The following FAT3 variants were observed in gnomAD, a reference collection of about 807,000 sequenced individuals.
FAT3 encodes protocadherin Fat 3.
In FAT3, 95 loss-of-function variants were observed where a neutral mutation model predicts 310.2. The observed-to-expected ratio is 0.31, with a 90% confidence interval of 0.26 to 0.36. The LOEUF (loss-of-function observed/expected upper bound fraction) is 0.36, where lower values mean the gene tolerates loss of function less well. Among genes scored for constraint, FAT3 ranks in the 10% least tolerant of loss-of-function variants. The pLI, the probability that FAT3 is intolerant of heterozygous loss-of-function variation, is 1.00. For missense variants in FAT3, 5,408 were observed against 5,715.6 expected (o/e 0.95, Z 1.74); for synonymous variants, 2,314 against 2,192.9 (o/e 1.06, Z -1.54).
chr11:92,354,648 A>G lies in FAT3; in HGVS notation c.2536A>G (p.Ile846Val), dbSNP rs1236386164. Reference sequence around the variant, plus strand: ...AGTTAACATTCTTGAAAGTTCAGGCATTGGTACTGAAATCATTCAAGTGGA... The same window carrying G: ...AGTTAACATTCTTGAAAGTTCAGGCGTTGGTACTGAAATCATTCAAGTGGA... ...YSVNILESSG[I>V]GTEIIQVEAR... Residue 846 changes from isoleucine (I) to valine (V), a missense_variant, in exon 2 of 28, where the codon ATT (isoleucine) becomes GTT (valine). This residue lies in a region of FAT3 where 4,588 missense variants were observed against 4,809.8 expected (regional missense o/e 0.95). Coordinates refer to ENST00000525166, the MANE Select transcript of FAT3 (RefSeq NM_001367949.2). 4.3e-6 allele frequency: 7 copies of G among 1,613,748 alleles called. No homozygotes were observed. Among genetic ancestry groups the G allele is most frequent in the Non-Finnish European group, 5.9e-6 (7 of 1,179,870 alleles).
intron 1 of FAT3, among the ~76,000 whole-genome samples, chr11:92,350,096 CTA>C (rs1948524709): frequency 6.6e-6 from 1 of 151,694 alleles, no homozygotes; most frequent in African/African-American, 2.4e-5. Flanking sequence ...AGTTTCATGA[CTA>C]TGTGGGTTAA....
At chr11:92,561,232 T>C (rs934174809) in intron 3 of FAT3, among the ~76,000 whole-genome samples, 7 of 150,886 alleles carry the variant, frequency 4.6e-5, no homozygotes, top group African/African-American at 1.7e-4. Context: ...ATTGACAGTC[T>C]CTCAGATCCT....
chr11:92,529,605 T>C (rs1168757845), intron 3 of FAT3, among the ~76,000 whole-genome samples: 2 of 152,202 alleles, frequency 1.3e-5, no homozygotes, highest in Admixed American at 6.5e-5. Flanking sequence ...TTAAAGGAAT[T>C]ATTTTAAAGG....
chr11:92,863,766 T>C (rs1308771252), intron 21 of FAT3, among the ~76,000 whole-genome samples: 1 of 152,224 alleles, frequency 6.6e-6, no homozygotes, highest in Non-Finnish European at 1.5e-5. Flanking sequence ...TTAAATATGA[T>C]CAGAATATAT....
intron 1 of FAT3, among the ~76,000 whole-genome samples, chr11:92,252,587 C>T (rs1759844486): frequency 6.6e-6 from 1 of 152,252 alleles, no homozygotes. Flanking sequence ...ATTTACTTGG[C>T]TGCAAGCACT....
rs189174879 is a variant in FAT3 at position 92,432,794 on chromosome 11, G to A, written c.3292+77390G>A. On this transcript the variant is annotated intron_variant, in intron 2 of 27. Coordinates refer to ENST00000525166, the MANE Select transcript of FAT3 (RefSeq NM_001367949.2). ...GAGATCTGCTGCCCTCTTCAGAGCC[G>A]GTAGGGAGGAACGTTTAAGTCTGCT... Among the ~76,000 whole-genome samples the A allele has an allele frequency of 2.1e-3, 319 of 152,266 alleles. 2 individuals carry two copies. The highest frequency in any genetic ancestry group is 6.9e-3 in the African/African-American group (286 of 41,562).
chr11:92,666,123 A>G (rs1942941094), intron 3 of FAT3, among the ~76,000 whole-genome samples: 1 of 152,214 alleles, frequency 6.6e-6, no homozygotes, highest in African/African-American at 2.4e-5. Context: ...AAATTTTGTG[A>G]CATTACCTGT....
chr11:92,886,824 T>C (rs1376482009), intron 24 of FAT3, 176 bp from the exon 25 acceptor site: 5 of 592,010 alleles, frequency 8.4e-6, no homozygotes, highest in Non-Finnish European at 1.5e-5. Flanking sequence ...AATCACTTGA[T>C]TGACAGAACT....
At chr11:92,634,693 C>T (rs1337623699) in intron 3 of FAT3, among the ~76,000 whole-genome samples, 2 of 152,144 alleles carry the variant, frequency 1.3e-5, no homozygotes, top group East Asian at 1.9e-4. Flanking sequence ...AGCACAGGAA[C>T]ATATGAGCAT....
At chr11:92,344,266 A>G (rs1336737671) in intron 1 of FAT3, among the ~76,000 whole-genome samples, 3 of 152,146 alleles carry the variant, frequency 2.0e-5, no homozygotes, top group Non-Finnish European at 4.4e-5. Context: ...TAAGTTTTCA[A>G]TTTCATTCCA....
intron 2 of FAT3, among the ~76,000 whole-genome samples, chr11:92,373,760 GCACACA>G (rs57651290): frequency 0.017 from 2,275 of 130,028 alleles, 27 homozygotes; most frequent in Admixed American, 0.044. Context: ...AGATATGTAT[GCACACA>G]CACACACACA....
chr11:92,544,191 A>G (rs1200716802), intron 3 of FAT3, among the ~76,000 whole-genome samples: 3 of 152,178 alleles, frequency 2.0e-5, no homozygotes, highest in African/African-American at 7.2e-5. Context: ...TTCTAAAGTG[A>G]TGTTAACTGG....
chr11:92,818,186 C>T (rs1430066065), intron 13 of FAT3, among the ~76,000 whole-genome samples: 1 of 152,020 alleles, frequency 6.6e-6, no homozygotes, highest in East Asian at 1.9e-4. Flanking sequence ...TCTGATTTCC[C>T]GAAGGAAAAC....
intron 2 of FAT3, among the ~76,000 whole-genome samples, chr11:92,492,287 C>G (rs111711784): frequency 6.7e-6 from 1 of 148,948 alleles, no homozygotes; most frequent in African/African-American, 2.5e-5. Context: ...ATCCATCCAT[C>G]CATTCATCCA....
chr11:92,344,468 G>A (rs1050994237), intron 1 of FAT3, among the ~76,000 whole-genome samples: 1 of 152,110 alleles, frequency 6.6e-6, no homozygotes, highest in African/African-American at 2.4e-5. Context: ...CACCCTTACT[G>A]TACTTAATAA....
rs149840285 is a variant in FAT3, at chr11:92,889,741, C to A, written c.13112-115C>A. The A allele has an allele frequency of 7.4e-6, 5 of 673,868 alleles. No individual in the cohort carries two copies. In the South Asian group the frequency reaches 8.2e-5, roughly 11 times the overall value. 41.7% of individuals were successfully genotyped at this position (673,868 alleles called of 1,614,324 possible). ...AGAAATAAAAAAGGCTAAACTTAGTCGTAGCCCACAGGCCTTTAGGAGTAT... is the reference window on the plus strand; with the variant it reads ...AGAAATAAAAAAGGCTAAACTTAGTAGTAGCCCACAGGCCTTTAGGAGTAT... On this transcript the variant is annotated intron_variant, in intron 26 of 27. Coordinates refer to ENST00000525166, the MANE Select transcript of FAT3 (RefSeq NM_001367949.2).
At chr11:92,870,276 G>C (rs1008422970) in intron 22 of FAT3, among the ~76,000 whole-genome samples, 1 of 152,152 alleles carries the variant, frequency 6.6e-6, no homozygotes, top group African/African-American at 2.4e-5. Flanking sequence ...TGGCGTGAAA[G>C]TCAGGGAAGC....
chr11:92,355,355 C>T lies in FAT3; in HGVS notation c.3243C>T (p.Ser1081=), dbSNP rs1461441494. 3.1e-6 allele frequency: 5 copies of T among 1,613,652 alleles called. No homozygotes were observed. The highest frequency in any genetic ancestry group is 2.2e-5 in the East Asian group (1 of 44,886). ...GAAGGGATGGAGAGATCCAGTACTC[C>T]ATCAGGGATGGCAGTGGTCTTGGAA... ...DSGRDGEIQY[S]IRDGSGLGRF... Residue 1081 remains serine (S), a synonymous_variant, in exon 2 of 28, where the codon TCC becomes TCT. Coordinates refer to ENST00000525166, the MANE Select transcript of FAT3 (RefSeq NM_001367949.2).
intron 2 of FAT3, among the ~76,000 whole-genome samples, chr11:92,407,753 G>T (rs1445554553): frequency 1.3e-5 from 2 of 152,134 alleles, no homozygotes; most frequent in East Asian, 3.9e-4. Context: ...TCCAGTTGTT[G>T]CTGACTATTA....
Sources: gnomAD v4.1 joint callset for allele counts (sites outside exome capture counted in the v4.1 genomes callset) on GRCh38, gnomAD v4.1.1 for gene constraint, gnomAD v4.1.1 regional missense constraint, MANE v1.5 for transcripts, NCBI Gene and HGNC (gene_info 2026-07-23, HGNC 2026-07-21) for gene names.